The following NT5DC1 variants were observed in gnomAD, a reference collection of about 807,000 sequenced individuals.
The protein encoded by NT5DC1 is 5'-nucleotidase domain-containing protein 1.
A neutral mutation model predicts 59.4 loss-of-function variants in NT5DC1; 42 were observed. The ratio of observed to expected loss-of-function variants is 0.71; its 90% confidence interval spans 0.55 to 0.92. The LOEUF (loss-of-function observed/expected upper bound fraction) is 0.92. Among genes scored for constraint, NT5DC1 ranks in the 40% least tolerant of loss-of-function variants. The pLI, the probability that NT5DC1 is intolerant of heterozygous loss-of-function variation, is 0.00. For synonymous variants in NT5DC1, 172 were observed against 188.1 expected (o/e 0.91, Z 0.70); for missense variants, 501 against 537.1 (o/e 0.93, Z 0.66).
At chr6:116,124,567 G>A (rs1779235311) in intron 6 of NT5DC1, among the ~76,000 whole-genome samples, 2 of 152,090 alleles carry the variant, frequency 1.3e-5, no homozygotes, top group African/African-American at 4.8e-5. Flanking sequence ...AAAACTAGGA[G>A]TAACAGAAGT....
chr6:116,169,077 C>T (rs780317593), intron 6 of NT5DC1, among the ~76,000 whole-genome samples: 15 of 152,156 alleles, frequency 9.9e-5, no homozygotes, highest in Non-Finnish European at 2.1e-4. Context: ...TTGAAGATTG[C>T]GACTTCTTAG....
chr6:116,165,098 GAA>G (rs71554841), intron 6 of NT5DC1, among the ~76,000 whole-genome samples: 16 of 101,042 alleles, frequency 1.6e-4, no homozygotes, highest in Middle Eastern at 5.3e-3. Context: ...CTCCGTCTCA[GAA>G]AAAAAAAAAA....
chr6:116,105,456 A>C lies in NT5DC1; in HGVS notation c.94-788A>C, dbSNP rs184317841. ...GGACACTGTGCAGGTTGACTCAGAC[A>C]ACTGTTCTGCTCAGGCTCAAGTTTA... On this transcript the variant is annotated intron_variant, in intron 1 of 11. Coordinates refer to ENST00000319550, the MANE Select transcript of NT5DC1 (RefSeq NM_152729.3). Among the ~76,000 whole-genome samples, 388 of 152,328 alleles carry C rather than the reference A, an allele frequency of 2.5e-3. 10 individuals are homozygous for C. The South Asian group carries it at 0.044, about 17-fold the overall frequency.
At chr6:116,112,324 G>T (rs1473527697) in intron 4 of NT5DC1, among the ~76,000 whole-genome samples, 1 of 152,040 alleles carries the variant, frequency 6.6e-6, no homozygotes, top group African/African-American at 2.4e-5. Flanking sequence ...AATAATATGA[G>T]TTTTTTTAAA....
chr6:116,164,468 T>C (rs1355905722), intron 6 of NT5DC1, among the ~76,000 whole-genome samples: 1 of 152,206 alleles, frequency 6.6e-6, no homozygotes, highest in Non-Finnish European at 1.5e-5. Context: ...ACTTTGAGCT[T>C]GTGTATGTCT....
chr6:116,119,875 C>G, intron 6 of NT5DC1: 1 of 580,622 alleles, frequency 1.7e-6, no homozygotes, highest in African/African-American at 1.9e-5. Flanking sequence ...ACTAGAAATT[C>G]AAGAGAGGCT....
At chr6:116,182,222 A>AGT (rs35883565) in intron 6 of NT5DC1, among the ~76,000 whole-genome samples, 30,981 of 124,490 alleles carry the variant, frequency 0.25, 3,349 homozygotes, top group Middle Eastern at 0.32. Context: ...TTCCATGGAG[A>AGT]GTGTGTGTGT....
intron 6 of NT5DC1, among the ~76,000 whole-genome samples, chr6:116,219,828 G>C (rs1481899434): frequency 6.6e-6 from 1 of 151,838 alleles, no homozygotes; most frequent in Non-Finnish European, 1.5e-5. Context: ...TGGGCGTGGT[G>C]GCACACGCCT....
intron 6 of NT5DC1, among the ~76,000 whole-genome samples, chr6:116,138,522 A>G (rs376156060): frequency 6.6e-6 from 1 of 152,338 alleles, no homozygotes; most frequent in East Asian, 1.9e-4. Context: ...CTAGTTCAGA[A>G]TTTGCTAATT....
chr6:116,120,781 A>AG (rs1779094002), intron 6 of NT5DC1: 1 of 1,613,176 alleles, frequency 6.2e-7, no homozygotes, highest in Admixed American at 1.7e-5. Context: ...CTGGTATTCC[A>AG]GGGGCACCTC....
At chr6:116,210,046 A>G (rs565615670) in intron 6 of NT5DC1, among the ~76,000 whole-genome samples, 2 of 152,160 alleles carry the variant, frequency 1.3e-5, no homozygotes, top group South Asian at 2.1e-4. Flanking sequence ...TGTGGTGGCT[A>G]CTTAATCATC....
intron 6 of NT5DC1, among the ~76,000 whole-genome samples, chr6:116,169,248 T>C (rs949809761): frequency 3.9e-5 from 6 of 152,226 alleles, no homozygotes; most frequent in Non-Finnish European, 5.9e-5. Context: ...TAAGCAGGTA[T>C]TTTTTAAAGT....
intron 11 of NT5DC1, among the ~76,000 whole-genome samples, chr6:116,241,648 G>C (rs1771716050): frequency 6.6e-6 from 1 of 152,084 alleles, no homozygotes; most frequent in Non-Finnish European, 1.5e-5. Flanking sequence ...AGACGGCCGG[G>C]TGCGGTGGCT....
chr6:116,208,931 C>T (rs1227563246), intron 6 of NT5DC1, among the ~76,000 whole-genome samples: 1 of 151,948 alleles, frequency 6.6e-6, no homozygotes, highest in East Asian at 1.9e-4. Context: ...TACATCATGG[C>T]TGGGGATCCA....
rs377375663 is a variant in NT5DC1 at position 116,125,315 on chromosome 6, A to G, written c.529+7370A>G. 4 of 1,611,144 alleles carry G rather than the reference A, an allele frequency of 2.5e-6. No homozygotes were observed. The African/African-American group carries it at 5.3e-5, about 22-fold the overall frequency. On this transcript the variant is annotated intron_variant, in intron 6 of 11. Transcript: ENST00000319550. ...AAAGCAACAAGCAACTTGTTAATAGAACAAAATATACAATTCAATTTACCT... is the reference window on the plus strand; with the variant it reads ...AAAGCAACAAGCAACTTGTTAATAGGACAAAATATACAATTCAATTTACCT...
At chr6:116,129,607 G>C (rs912055246) in intron 6 of NT5DC1, among the ~76,000 whole-genome samples, 1 of 152,100 alleles carries the variant, frequency 6.6e-6, no homozygotes, top group African/African-American at 2.4e-5. Flanking sequence ...CAGCATGAAC[G>C]CTCTCTCCAG....
intron 8 of NT5DC1, among the ~76,000 whole-genome samples, chr6:116,230,651 C>T (rs1271143442): frequency 6.6e-6 from 1 of 152,216 alleles, no homozygotes; most frequent in Non-Finnish European, 1.5e-5. Context: ...TCCCTTTCCT[C>T]TCTGGTGACT....
At chr6:116,236,131 A>C (rs755086027) in intron 8 of NT5DC1, among the ~76,000 whole-genome samples, 18 of 152,240 alleles carry the variant, frequency 1.2e-4, no homozygotes, top group Non-Finnish European at 2.2e-4. Flanking sequence ...AACCTTTTTA[A>C]AATCAGAAAT....
intron 6 of NT5DC1, among the ~76,000 whole-genome samples, chr6:116,128,208 G>T (rs1779373430): frequency 6.6e-6 from 1 of 152,056 alleles, no homozygotes; most frequent in African/African-American, 2.4e-5. Context: ...ATAAGCCTTG[G>T]ACATTCAACC....
Sources: allele counts gnomAD v4.1 joint callset (sites outside exome capture counted in the v4.1 genomes callset), GRCh38; gene constraint gnomAD v4.1.1; transcripts MANE v1.5; gene names NCBI Gene and HGNC (gene_info 2026-07-23, HGNC 2026-07-21).